The following SLC14A1 variants were observed in gnomAD, a reference collection of about 807,000 sequenced individuals.
SLC14A1 encodes the protein urea transporter 1.
Under a neutral mutation model 39.6 loss-of-function variants are expected in SLC14A1, and 36 were observed. That is an observed-to-expected ratio of 0.91 (90% CI 0.70 to 1.20). The LOEUF is 1.20. SLC14A1 is among the 50% of genes most tolerant of loss of function. The pLI, the probability that SLC14A1 is intolerant of heterozygous loss-of-function variation, is 0.00. For synonymous variants in SLC14A1, 164 were observed against 173.6 expected, an observed-to-expected ratio of 0.94 and a Z score of 0.43; for missense variants, 469 against 478.7, an observed-to-expected ratio of 0.98 and a Z score of 0.19.
chr18:45,724,504 G>C (rs368582376), intron 1 of SLC14A1, among the ~76,000 whole-genome samples: 11 of 152,364 alleles, frequency 7.2e-5, no homozygotes, highest in East Asian at 5.8e-4. Flanking sequence ...TCTGAAGCAA[G>C]GTGCATGCAG....
chr18:45,727,507 G>A, intron 2 of SLC14A1: 1 of 1,420,842 alleles, frequency 7.0e-7, no homozygotes, highest in Non-Finnish European at 9.3e-7. Context: ...AGCCTGGGAA[G>A]TGGGGGTTGG....
intron 8 of SLC14A1, among the ~76,000 whole-genome samples, chr18:45,742,518 CCTAG>C (rs1423464503): frequency 6.6e-6 from 1 of 151,492 alleles, no homozygotes; most frequent in Non-Finnish European, 1.5e-5. Flanking sequence ...CACCATCACG[CCTAG>C]CTAATTTTTG....
At chr18:45,734,730 T>C (rs2144776298) in intron 5 of SLC14A1, among the ~76,000 whole-genome samples, 1 of 151,860 alleles carries the variant, frequency 6.6e-6, no homozygotes, top group Non-Finnish European at 1.5e-5. Flanking sequence ...ACCTCCTTGC[T>C]TGGGCTAAGT....
chr18:45,748,780 G>A (rs1335867078), intron 9 of SLC14A1, among the ~76,000 whole-genome samples: 3 of 152,238 alleles, frequency 2.0e-5, no homozygotes, highest in Non-Finnish European at 4.4e-5. Flanking sequence ...TGCAGGTGAT[G>A]CAGGGCCGGT....
chr18:45,742,850 AT>A (rs28898889), intron 8 of SLC14A1, among the ~76,000 whole-genome samples: 1 of 148,520 alleles, frequency 6.7e-6, no homozygotes, highest in Non-Finnish European at 1.5e-5. Context: ...TGCCCAGCTA[AT>A]TTTTTTTTGT....
chr18:45,744,115 CGATTCCTATGCCTCA>C (rs2047473599), intron 8 of SLC14A1, among the ~76,000 whole-genome samples: 1 of 151,900 alleles, frequency 6.6e-6, no homozygotes, highest in Non-Finnish European at 1.5e-5. Flanking sequence ...TGGGTTCAAG[CGATTCCTATGCCTCA>C]GACTCCCAAG....
At chr18:45,734,821 G>T (rs1471034274) in intron 5 of SLC14A1, among the ~76,000 whole-genome samples, 1 of 152,124 alleles carries the variant, frequency 6.6e-6, no homozygotes, top group African/African-American at 2.4e-5. Flanking sequence ...AGGAGGAAGA[G>T]GAGCAGGAGG....
chr18:45,751,130 A>G lies in SLC14A1; in HGVS notation c.*1179A>G. The G allele has an allele frequency of 1.5e-6, 1 of 663,326 alleles. No homozygotes were observed. Among genetic ancestry groups the G allele is most frequent in the Non-Finnish European group, 1.9e-6 (1 of 535,918 alleles). The allele number at this position is 663,326 out of a possible 1,614,324, so 41.1% of individuals were successfully genotyped here. ...CCAGGCGGGCAGATTGCTTGAACCCAGGAGTTCAAGACCAGCCTGGGCAGC... is the reference window on the plus strand; with the variant it reads ...CCAGGCGGGCAGATTGCTTGAACCCGGGAGTTCAAGACCAGCCTGGGCAGC... On this transcript the variant is annotated 3_prime_UTR_variant, in exon 10 of 10. Coordinates refer to ENST00000321925, the MANE Select transcript of SLC14A1 (RefSeq NM_015865.7).
At chr18:45,739,963 C>G in intron 8 of SLC14A1, 1 of 420,858 alleles carries the variant, frequency 2.4e-6, no homozygotes, top group Non-Finnish European at 4.5e-6. Flanking sequence ...GCTTTATCCC[C>G]AGAGATACAC....
At chr18:45,735,437 GA>G (rs1258678241) in intron 5 of SLC14A1, among the ~76,000 whole-genome samples, 1 of 151,970 alleles carries the variant, frequency 6.6e-6, no homozygotes, top group Non-Finnish European at 1.5e-5. Flanking sequence ...GTCTCCCTTA[GA>G]AAAAATTTTT....
chr18:45,738,002 CA>C (rs912350596), intron 6 of SLC14A1, among the ~76,000 whole-genome samples: 10 of 152,006 alleles, frequency 6.6e-5, no homozygotes, highest in African/African-American at 2.4e-4. Flanking sequence ...AACAAACAAA[CA>C]AAAAAAGCAT....
chr18:45,733,635 G>A (rs944290140), intron 4 of SLC14A1, among the ~76,000 whole-genome samples: 3 of 152,186 alleles, frequency 2.0e-5, no homozygotes, highest in African/African-American at 7.2e-5. Flanking sequence ...AAAGAAAACA[G>A]AGCAGATTGC....
Position 45,745,843 on chromosome 18 carries a change from G to GC in SLC14A1, c.947-2527dup, listed in dbSNP as rs547546514. Among the ~76,000 whole-genome samples, 17 of 152,216 alleles carry GC rather than the reference G, an allele frequency of 1.1e-4. 1 individual carries two copies. The South Asian group carries it at 3.1e-3, about 28-fold the overall frequency. On this transcript the variant is annotated intron_variant, in intron 8 of 9. Coordinates refer to ENST00000321925, the MANE Select transcript of SLC14A1 (RefSeq NM_015865.7). ...CATGGATTTTTGAGACAGATCTCCA[G>GC]CCCCCCTTGGAAAGCAAATCTCACA...
At chr18:45,738,047 TA>T (rs1339020059) in intron 6 of SLC14A1, among the ~76,000 whole-genome samples, 1 of 152,124 alleles carries the variant, frequency 6.6e-6, no homozygotes, top group African/African-American at 2.4e-5. Context: ...GGTCTAGAAA[TA>T]GCAAAATGTC....
intron 2 of SLC14A1, 159 bp from the exon 3 acceptor site, chr18:45,730,141 G>A: frequency 1.5e-6 from 1 of 673,268 alleles, no homozygotes; most frequent in Non-Finnish European, 2.4e-6. Context: ...ATTTGGGTTT[G>A]GCTAATAAGC....
intron 8 of SLC14A1, among the ~76,000 whole-genome samples, chr18:45,746,453 G>A (rs2047547687): frequency 6.6e-6 from 1 of 152,156 alleles, no homozygotes; most frequent in African/African-American, 2.4e-5. Flanking sequence ...CTTCACAGCA[G>A]CATAACAGTA....
At chr18:45,746,476 G>A (rs146265861) in intron 8 of SLC14A1, among the ~76,000 whole-genome samples, 82 of 152,260 alleles carry the variant, frequency 5.4e-4, no homozygotes, top group African/African-American at 1.7e-3. Context: ...AGACGTAAAC[G>A]TGCCAAAAGT....
rs28994292 is a variant in SLC14A1, at chr18:45,731,955, G to A, written c.341+751G>A. Among the ~76,000 whole-genome samples, 382 of 152,298 alleles carry A rather than the reference G, an allele frequency of 2.5e-3. 2 individuals are homozygous for A. Among genetic ancestry groups the A allele is most frequent in the African/African-American group, 8.7e-3 (360 of 41,556 alleles). On this transcript the variant is annotated intron_variant, in intron 4 of 9. Coordinates refer to ENST00000321925, the MANE Select transcript of SLC14A1 (RefSeq NM_015865.7). Reference sequence around the variant, plus strand: ...GGCTGCAAATTGCCTAAAGAGGTCCGTGGGGAGAGAGTTAGCAAATGCTCC... The same window carrying A: ...GGCTGCAAATTGCCTAAAGAGGTCCATGGGGAGAGAGTTAGCAAATGCTCC...
At chr18:45,747,761 T>C (rs2047590259) in intron 8 of SLC14A1, among the ~76,000 whole-genome samples, 1 of 152,328 alleles carries the variant, frequency 6.6e-6, no homozygotes, top group African/African-American at 2.4e-5. Context: ...GAGAAGATGT[T>C]ATCAAGGGGA....
Sources: gnomAD v4.1 joint callset for allele counts (sites outside exome capture counted in the v4.1 genomes callset) on GRCh38, gnomAD v4.1.1 for gene constraint, MANE v1.5 for transcripts, NCBI Gene and HGNC (gene_info 2026-07-23, HGNC 2026-07-21) for gene names.